CACNG7: variants seen among roughly 807,000 people sequenced by gnomAD.
CACNG7 encodes voltage-dependent calcium channel gamma-7 subunit.
In CACNG7, 9 loss-of-function variants were observed where a neutral mutation model predicts 26.3. The observed-to-expected ratio is 0.34, with a 90% CI of 0.21 to 0.60. CACNG7 has a LOEUF of 0.60. Among genes scored for constraint, CACNG7 ranks in the 20% least tolerant of loss-of-function variants. The pLI is 0.81. For synonymous variants in CACNG7, 170 were observed against 157.0 expected, an observed-to-expected ratio of 1.08 and a Z score of -0.62; for missense variants, 297 against 380.4, an observed-to-expected ratio of 0.78 and a Z score of 1.82.
intron 4 of CACNG7, among the ~76,000 whole-genome samples, chr19:53,916,489 T>TTC (rs200241429): frequency 0.15 from 19,338 of 131,176 alleles, 1,883 homozygotes; most frequent in South Asian, 0.2. Flanking sequence ...CTTTCTTTCT[T>TTC]TTTTTTTTTT....
chr19:53,941,757 G>T (rs1205142561), intron 5 of CACNG7, 142 bp downstream of exon 5: 2 of 1,077,508 alleles, frequency 1.9e-6, no homozygotes, highest in African/African-American at 3.2e-5. Flanking sequence ...TCTAACCCCT[G>T]GGTCCTGGAG....
intron 4 of CACNG7, among the ~76,000 whole-genome samples, chr19:53,919,232 G>A (rs1379787756): frequency 6.6e-6 from 1 of 152,190 alleles, no homozygotes; most frequent in Non-Finnish European, 1.5e-5. Context: ...CCAATGCCTT[G>A]GGACTTGGAA....
rs1331073059 is a variant in CACNG7 at position 53,939,189 on chromosome 19, C to T, written c.425-2281C>T. 1.3e-5 allele frequency among the ~76,000 whole-genome samples: 2 copies of T among 151,920 alleles called. No individual in the cohort carries two copies. Among genetic ancestry groups the T allele is most frequent in the Non-Finnish European group, 2.9e-5 (2 of 67,988 alleles). On this transcript the variant is annotated intron_variant, in intron 4 of 5. Coordinates refer to ENST00000391767, the MANE Select transcript of CACNG7 (RefSeq NM_031896.5). The surrounding 1 kb of genome is among the most constrained non-coding windows in gnomAD (Gnocchi z 4.2). ...AGGAGAATCGCTTGAGTCCAGGAGG[C>T]AGAGGTTGCGGTGAGCCGAGATTGC... is the stretch of plus-strand genomic sequence containing the variant.
intron 3 of CACNG7, among the ~76,000 whole-genome samples, chr19:53,915,061 G>A (rs558978516): frequency 5.3e-5 from 8 of 151,826 alleles, no homozygotes; most frequent in African/African-American, 1.9e-4. Flanking sequence ...GCAGAGTGGT[G>A]GTTAGGTAAG....
In CACNG7 at chr19:53,909,746, G is replaced by A. The variant is rs1035295513; in HGVS notation, c.-30+229G>A. Among the ~76,000 whole-genome samples the A allele has an allele frequency of 1.3e-5, 2 of 152,128 alleles. No individual in the cohort carries two copies. The highest frequency in any genetic ancestry group is 4.8e-5 in the African/African-American group (2 of 41,430). ...GTGGGAAACTGCACTCCTCGCGTCC[G>A]AGTCGCAGCGAGCGTGGGCTGGGGA... On this transcript the variant is annotated intron_variant, in intron 1 of 5. Coordinates refer to ENST00000391767, the MANE Select transcript of CACNG7 (RefSeq NM_031896.5). This position sits in a 1 kb window ranked among gnomAD's most constrained non-coding sequence, Gnocchi z 5.1.
At chr19:53,921,887 TC>T (rs1472987263) in intron 4 of CACNG7, among the ~76,000 whole-genome samples, 4 of 80,180 alleles carry the variant, frequency 5.0e-5, no homozygotes, top group Non-Finnish European at 8.4e-5. Context: ...CCCAGGCTGG[TC>T]ATTGGTGGAG....
rs757634672 is a variant in CACNG7 at position 53,942,342 on chromosome 19, G to C, written c.*49G>C. On this transcript the variant is annotated 3_prime_UTR_variant, in exon 6 of 6. Transcript: ENST00000391767. The surrounding 1 kb of genome is among the most constrained non-coding windows in gnomAD (Gnocchi z 5.9). ...TGCCTCCTCCTCCTCCTCGTCTTAG[G>C]GGGGTCTCCCTGCAATGCAGCGCCC... The C allele has an allele frequency of 2.0e-5, 28 of 1,414,756 alleles. No individual in the cohort carries two copies. The African/African-American group carries it at 5.3e-4, about 27-fold the overall frequency. The allele number at this position is 1,414,756 out of a possible 1,614,324, so 87.6% of individuals were successfully genotyped here.
chr19:53,909,942 C>G lies in CACNG7; in HGVS notation c.-30+425C>G, dbSNP rs1427165890. 6.6e-6 allele frequency among the ~76,000 whole-genome samples: 1 copy of G among 151,760 alleles called. No individual in the cohort carries two copies. The highest frequency in any genetic ancestry group is 2.4e-5 in the African/African-American group (1 of 41,300). On this transcript the variant is annotated intron_variant, in intron 1 of 5. Transcript: ENST00000391767. This position sits in a 1 kb window ranked among gnomAD's most constrained non-coding sequence, Gnocchi z 5.1. ...GGGCTTAAGACTTGCAGAAGGGGAC[C>G]CCGGAGATTCAAATGCCTGAATCCG...
intron 4 of CACNG7, among the ~76,000 whole-genome samples, chr19:53,937,485 C>T (rs2069112008): frequency 6.6e-6 from 1 of 152,114 alleles, no homozygotes; most frequent in African/African-American, 2.4e-5. Context: ...GGTAGCTCAT[C>T]ATATTTTTCA....
intron 4 of CACNG7, among the ~76,000 whole-genome samples, 163 bp downstream of exon 4, chr19:53,915,668 T>C (rs924402659): frequency 2.0e-5 from 3 of 152,172 alleles, no homozygotes; most frequent in African/African-American, 7.2e-5. Flanking sequence ...GCAGTGCCCA[T>C]TGCAAAGCGT....
intron 4 of CACNG7, among the ~76,000 whole-genome samples, chr19:53,921,983 GCCCCAGGCCTGGTCATTGGTGGAGTTGT>G (rs2068960909): frequency 3.1e-5 from 2 of 65,402 alleles, no homozygotes; most frequent in African/African-American, 1.9e-4. Context: ...TGGTGGAGTT[GCCCCAGGCCTGGTCATTGGTGGAGTTGT>G]CCCCAGGTCT....
chr19:53,921,773 G>A (rs1419672605), intron 4 of CACNG7, among the ~76,000 whole-genome samples: 2 of 82,970 alleles, frequency 2.4e-5, no homozygotes, highest in Non-Finnish European at 4.4e-5. Context: ...AGTTGTCCCA[G>A]GTCTGGTCAT....
In CACNG7 at chr19:53,920,080, G is replaced by C. The variant is rs865803999; in HGVS notation, c.424+4575G>C. 4.4e-3 allele frequency among the ~76,000 whole-genome samples: 452 copies of C among 103,268 alleles called. 9 individuals are homozygous for C. The highest frequency in any genetic ancestry group is 0.013 in the African/African-American group (225 of 17,788). The allele number at this position is 103,268 out of a possible 152,430, so 67.7% of individuals were successfully genotyped here. A position where few individuals can be genotyped will look rare whatever the true frequency, so the allele number is the denominator to read the frequency against. On this transcript the variant is annotated intron_variant, in intron 4 of 5. Coordinates refer to ENST00000391767, the MANE Select transcript of CACNG7 (RefSeq NM_031896.5). ...TTGCCCCAGGCTGGTCATTGGTGGA[G>C]TTGCCCCAGGCTGGTCATTGGTGGA...
At chr19:53,920,816 TC>T (rs1329037359) in intron 4 of CACNG7, among the ~76,000 whole-genome samples, 2 of 75,806 alleles carry the variant, frequency 2.6e-5, no homozygotes, top group Non-Finnish European at 4.7e-5. Flanking sequence ...CCCAGGCTGG[TC>T]ATTGGTGGAG....
chr19:53,919,730 T>C (rs1167586009), intron 4 of CACNG7, among the ~76,000 whole-genome samples: 2 of 138,244 alleles, frequency 1.4e-5, no homozygotes, highest in East Asian at 2.3e-4. Flanking sequence ...AGGCTGGTCA[T>C]TGGTGGAGTT....
At chr19:53,917,962 G>T (rs1040936252) in intron 4 of CACNG7, among the ~76,000 whole-genome samples, 1 of 152,178 alleles carries the variant, frequency 6.6e-6, no homozygotes, top group African/African-American at 2.4e-5. Flanking sequence ...GTGCAGGCAG[G>T]CTGGAAGTCA....
intron 4 of CACNG7, among the ~76,000 whole-genome samples, chr19:53,925,642 A>G (rs534608556): frequency 2.8e-4 from 42 of 151,368 alleles, no homozygotes; most frequent in African/African-American, 6.8e-4. Context: ...TTGGCATTCA[A>G]TTGTGGAGAA....
At position 53,940,324 on chromosome 19, in the gene CACNG7, A is replaced by G. The variant is rs527669256; in HGVS notation, c.425-1146A>G. On this transcript the variant is annotated intron_variant, in intron 4 of 5. Coordinates refer to ENST00000391767, the MANE Select transcript of CACNG7 (RefSeq NM_031896.5). This position sits in a 1 kb window ranked among gnomAD's most constrained non-coding sequence, Gnocchi z 4.1. Reference sequence around the variant, plus strand: ...GTGAAGTTTGAATGAATGTATATATATACACAACACCAAGAACAGTGCCTG... The same window carrying G: ...GTGAAGTTTGAATGAATGTATATATGTACACAACACCAAGAACAGTGCCTG... Among the ~76,000 whole-genome samples the G allele has an allele frequency of 6.6e-6, 1 of 152,266 alleles. No individual in the cohort carries two copies. Among genetic ancestry groups the G allele is most frequent in the East Asian group, 1.9e-4 (1 of 5,192 alleles).
At chr19:53,928,486 G>C (rs1034410982) in intron 4 of CACNG7, among the ~76,000 whole-genome samples, 1 of 151,998 alleles carries the variant, frequency 6.6e-6, no homozygotes, top group Non-Finnish European at 1.5e-5. Flanking sequence ...TGTTGGCCAG[G>C]CTGGTCTCGA....
Sources: gnomAD v4.1 joint callset for allele counts (sites outside exome capture counted in the v4.1 genomes callset) on GRCh38, gnomAD v4.1.1 for gene constraint, Gnocchi (gnomAD v3.1) non-coding constraint, MANE v1.5 for transcripts, NCBI Gene and HGNC (gene_info 2026-07-23, HGNC 2026-07-21) for gene names.